NMNAT2: variants seen among roughly 807,000 people sequenced by gnomAD.
NMNAT2 encodes the protein nicotinamide nucleotide adenylyltransferase 2, also known as nicotinamide/nicotinic acid mononucleotide adenylyltransferase 2.
NMNAT2 carries 11 observed loss-of-function variants against 41.6 expected under a neutral mutation model. The ratio of observed to expected loss-of-function variants is 0.26; its 90% CI spans 0.17 to 0.44. The LOEUF (loss-of-function observed/expected upper bound fraction) is 0.44. Among genes scored for constraint, NMNAT2 ranks in the 20% least tolerant of loss-of-function variants. The probability of loss-of-function intolerance (pLI) is 1.00; values close to 1 mark genes in which losing one functional copy is unlikely to be tolerated. For missense variants in NMNAT2, 288 were observed against 407.7 expected (o/e 0.71, Z 2.53); for synonymous variants, 148 against 151.2 (o/e 0.98, Z 0.16).
chr1:183,257,421 A>G (rs1210185454), intron 10 of NMNAT2, among the ~76,000 whole-genome samples: 5 of 152,184 alleles, frequency 3.3e-5, no homozygotes, highest in African/African-American at 1.2e-4. Flanking sequence ...AGCCTGGGCG[A>G]CAGAGTGAGA....
rs2101936302 is a variant in NMNAT2, at chr1:183,418,348, G to C, written c.-81C>G. 7.2e-7 allele frequency: 1 copy of C among 1,390,080 alleles called. No homozygotes were observed. Among genetic ancestry groups the C allele is most frequent in the South Asian group, 1.2e-5 (1 of 85,972 alleles). The allele number at this position is 1,390,080 out of a possible 1,614,324, so 86.1% of individuals were successfully genotyped here. A position where few individuals can be genotyped will look rare whatever the true frequency, so the allele number is the denominator to read the frequency against. ...TTGTGTCTGCAGAGGGAGAAAGGAA[G>C]GCGAGGCTCCGGCGGTGGATGCTGT... On this transcript the variant is annotated 5_prime_UTR_variant, in exon 1 of 11. Coordinates refer to ENST00000287713, the MANE Select transcript of NMNAT2 (RefSeq NM_015039.4).
intron 1 of NMNAT2, among the ~76,000 whole-genome samples, chr1:183,360,204 A>G (rs1280127309): frequency 6.6e-6 from 1 of 152,204 alleles, no homozygotes; most frequent in Non-Finnish European, 1.5e-5. Context: ...AATAGATTTC[A>G]CCAAATTCCT....
intron 7 of NMNAT2, among the ~76,000 whole-genome samples, chr1:183,282,697 C>CCA (rs1661301367): frequency 6.6e-6 from 1 of 152,176 alleles, no homozygotes; most frequent in Non-Finnish European, 1.5e-5. Flanking sequence ...ACCTTCCCTC[C>CCA]CATCCTTGCC....
chr1:183,262,094 T>C (rs1660673837), intron 8 of NMNAT2, among the ~76,000 whole-genome samples: 2 of 151,772 alleles, frequency 1.3e-5, no homozygotes, highest in African/African-American at 4.8e-5. Flanking sequence ...CCTGGCTAAC[T>C]TTTTTAATTA....
At chr1:183,313,844 T>G (rs903808507) in intron 1 of NMNAT2, among the ~76,000 whole-genome samples, 3 of 152,200 alleles carry the variant, frequency 2.0e-5, no homozygotes, top group Non-Finnish European at 4.4e-5. Flanking sequence ...CAATTACTAA[T>G]TAGTACCAAT....
At chr1:183,353,967 A>G (rs111781277) in intron 1 of NMNAT2, among the ~76,000 whole-genome samples, 1 of 152,298 alleles carries the variant, frequency 6.6e-6, no homozygotes, top group Non-Finnish European at 1.5e-5. Context: ...ATATCACTCC[A>G]TGGTTCAGTG....
intron 1 of NMNAT2, among the ~76,000 whole-genome samples, chr1:183,341,734 A>AAAAAAAAACAAAAC (rs1662814943): frequency 2.1e-5 from 3 of 139,800 alleles, no homozygotes; most frequent in African/African-American, 7.9e-5. Flanking sequence ...CCAAAAAAAA[A>AAAAAAAAACAAAAC]AAAAAAAAAA....
intron 1 of NMNAT2, among the ~76,000 whole-genome samples, chr1:183,317,853 T>A (rs1004420483): frequency 2.6e-5 from 4 of 152,168 alleles, no homozygotes; most frequent in Non-Finnish European, 5.9e-5. Context: ...ATTCAAAGAT[T>A]CTTGACCAGT....
At chr1:183,268,565 T>C (rs1478259560) in intron 8 of NMNAT2, among the ~76,000 whole-genome samples, 3 of 152,236 alleles carry the variant, frequency 2.0e-5, no homozygotes, top group Admixed American at 2.0e-4. Context: ...AACTGTCTTA[T>C]GAGCTGAACT....
intron 1 of NMNAT2, among the ~76,000 whole-genome samples, chr1:183,315,827 A>T (rs1253305098): frequency 6.6e-6 from 1 of 151,438 alleles, no homozygotes; most frequent in East Asian, 1.9e-4. Context: ...TGACAGGTTG[A>T]TGGGTGCAGC....
At chr1:183,297,682 A>G (rs1175715297) in intron 1 of NMNAT2, among the ~76,000 whole-genome samples, 4 of 152,136 alleles carry the variant, frequency 2.6e-5, no homozygotes, top group Non-Finnish European at 4.4e-5. Context: ...TGCCCGGCCT[A>G]GGAAAGAACA....
At chr1:183,274,711 C>A (rs1238435631) in intron 8 of NMNAT2, among the ~76,000 whole-genome samples, 6 of 147,376 alleles carry the variant, frequency 4.1e-5, no homozygotes, top group Non-Finnish European at 6.0e-5. Flanking sequence ...GTGGGAGGAT[C>A]ATTTGGGCTC....
At chr1:183,367,439 C>G (rs1281132929) in intron 1 of NMNAT2, among the ~76,000 whole-genome samples, 1 of 152,144 alleles carries the variant, frequency 6.6e-6, no homozygotes, top group Non-Finnish European at 1.5e-5. Context: ...GCCTGGGCAA[C>G]AAGCGCAAAA....
rs571539990 is a variant in NMNAT2 at position 183,387,985 on chromosome 1, C to A, written c.85+30198G>T. Among the ~76,000 whole-genome samples, 67 of 152,270 alleles carry A rather than the reference C, an allele frequency of 4.4e-4. No individual in the cohort carries two copies. In the South Asian group the frequency reaches 4.6e-3, roughly 10 times the overall value. On this transcript the variant is annotated intron_variant, in intron 1 of 10. Transcript: ENST00000287713. Reference sequence around the variant, plus strand: ...AACACCAGAATAATGTTAATAATAGCTAACTCTAACTTGAAATTTGCTATG... The same window carrying A: ...AACACCAGAATAATGTTAATAATAGATAACTCTAACTTGAAATTTGCTATG...
At chr1:183,394,363 G>C (rs1362424406) in intron 1 of NMNAT2, among the ~76,000 whole-genome samples, 1 of 152,202 alleles carries the variant, frequency 6.6e-6, no homozygotes, top group Non-Finnish European at 1.5e-5. Flanking sequence ...TTTTATTCAT[G>C]ACAGAAGAGC....
intron 1 of NMNAT2, among the ~76,000 whole-genome samples, chr1:183,296,808 C>A (rs1661713775): frequency 6.6e-6 from 1 of 152,178 alleles, no homozygotes. Flanking sequence ...GCCACCGCAC[C>A]CAGCCCCATA....
intron 1 of NMNAT2, among the ~76,000 whole-genome samples, chr1:183,403,406 T>C (rs1557901346): frequency 1.3e-5 from 2 of 151,988 alleles, no homozygotes; most frequent in African/African-American, 2.4e-5. Context: ...GTGGGTTCTA[T>C]TGAGTTGGGG....
intron 1 of NMNAT2, among the ~76,000 whole-genome samples, chr1:183,379,159 A>G (rs1397686969): frequency 6.6e-6 from 1 of 151,722 alleles, no homozygotes; most frequent in Non-Finnish European, 1.5e-5. Context: ...AAAAGATCCA[A>G]TTTTACACTG....
intron 1 of NMNAT2, among the ~76,000 whole-genome samples, chr1:183,309,510 T>A (rs1335146086): frequency 6.6e-6 from 1 of 152,218 alleles, no homozygotes; most frequent in African/African-American, 2.4e-5. Context: ...CACGTTAATG[T>A]GTTTGATAAC....
Sources: allele counts gnomAD v4.1 joint callset (sites outside exome capture counted in the v4.1 genomes callset), GRCh38; gene constraint gnomAD v4.1.1; transcripts MANE v1.5; gene names NCBI Gene and HGNC (gene_info 2026-07-23, HGNC 2026-07-21).